Variants in NALF1 observed in about 807,000 individuals in gnomAD.
NALF1 encodes family with sequence similarity 155 member A.
Under a neutral mutation model 48.4 loss-of-function variants are expected in NALF1, and 3 were observed. That is an observed-to-expected ratio of 0.06 (90% CI 0.03 to 0.16). The LOEUF (loss-of-function observed/expected upper bound fraction) is 0.16. Ranked by LOEUF, NALF1 falls within the 10% of genes least tolerant of loss-of-function variation. The pLI is 1.00. For missense variants in NALF1, 526 were observed against 571.5 expected, an observed-to-expected ratio of 0.92 and a Z score of 0.81; for synonymous variants, 262 against 245.7, an observed-to-expected ratio of 1.07 and a Z score of -0.62.
At chr13:107,531,048 T>G (rs1876614835) in intron 1 of NALF1, 1 of 154,174 alleles carries the variant, frequency 6.5e-6, no homozygotes, top group Non-Finnish European at 1.5e-5. Context: ...CTGAGATATT[T>G]TATTAGGATG....
At chr13:107,542,065 A>G (rs1432594923) in intron 1 of NALF1, among the ~76,000 whole-genome samples, 3 of 152,082 alleles carry the variant, frequency 2.0e-5, no homozygotes. Context: ...CAATGTAGGA[A>G]GTGAAAACCA....
chr13:107,188,327 T>C (rs1879218415), intron 2 of NALF1, among the ~76,000 whole-genome samples: 1 of 152,066 alleles, frequency 6.6e-6, no homozygotes, highest in Admixed American at 6.6e-5. Context: ...TTCTCAAAGG[T>C]AAAAAATTGT....
At chr13:107,727,242 C>T (rs1018019460) in intron 1 of NALF1, among the ~76,000 whole-genome samples, 1 of 151,976 alleles carries the variant, frequency 6.6e-6, no homozygotes, top group African/African-American at 2.4e-5. Context: ...CATAAAGAAA[C>T]AAACTAAAAT....
chr13:107,246,522 T>G (rs1880589236), intron 1 of NALF1, among the ~76,000 whole-genome samples: 1 of 152,176 alleles, frequency 6.6e-6, no homozygotes, highest in South Asian at 2.1e-4. Flanking sequence ...CTTTTTCTGT[T>G]TTTCAGAGCA....
chr13:107,518,266 A>T (rs1876126564), intron 1 of NALF1, among the ~76,000 whole-genome samples: 1 of 149,896 alleles, frequency 6.7e-6, no homozygotes, highest in African/African-American at 2.4e-5. Context: ...TTATATTCAA[A>T]TAATTAAATA....
intron 1 of NALF1, among the ~76,000 whole-genome samples, chr13:107,537,175 C>G (rs988013151): frequency 6.6e-6 from 1 of 151,928 alleles, no homozygotes. Context: ...CACATGTATA[C>G]ATATGTAACA....
intron 1 of NALF1, among the ~76,000 whole-genome samples, chr13:107,718,443 T>C (rs780665967): frequency 6.6e-5 from 10 of 152,164 alleles, no homozygotes; most frequent in Non-Finnish European, 1.0e-4. Flanking sequence ...ACCACACCTA[T>C]GATTATCCTA....
chr13:107,257,111 A>G (rs1880831890), intron 1 of NALF1, among the ~76,000 whole-genome samples: 1 of 152,132 alleles, frequency 6.6e-6, no homozygotes, highest in Non-Finnish European at 1.5e-5. Flanking sequence ...AAGGGGGAAG[A>G]ACCCCTTACA....
chr13:107,681,953 G>C (rs1353744975), intron 1 of NALF1, among the ~76,000 whole-genome samples: 1 of 152,092 alleles, frequency 6.6e-6, no homozygotes, highest in Non-Finnish European at 1.5e-5. Flanking sequence ...TCTGTCCCAG[G>C]AGCATGTGCA....
intron 1 of NALF1, among the ~76,000 whole-genome samples, chr13:107,684,958 G>GT (rs1281344418): frequency 6.6e-6 from 1 of 152,142 alleles, no homozygotes; most frequent in Non-Finnish European, 1.5e-5. Context: ...CAGGACTCCT[G>GT]TGAGTCTGGG....
At chr13:107,483,140 C>T (rs1228976658) in intron 1 of NALF1, among the ~76,000 whole-genome samples, 4 of 152,162 alleles carry the variant, frequency 2.6e-5, no homozygotes, top group Non-Finnish European at 5.9e-5. Context: ...ATTCACCTAG[C>T]ATCATGCCTG....
At position 107,308,199 on chromosome 13, in the gene NALF1, C is replaced by CTTTT. The variant is rs772161115; in HGVS notation, c.916-97448_916-97445dup. ...TACTTTTTTGTATTTTGTGTCTATG[C>CTTTT]TTTTTTTTTTTTTTTTTTTTTAGAC... On this transcript the variant is annotated intron_variant, in intron 1 of 2. Transcript: ENST00000375915. Among the ~76,000 whole-genome samples, 80 of 98,162 alleles carry CTTTT rather than the reference C, an allele frequency of 8.1e-4. 1 individual carries two copies. The highest frequency in any genetic ancestry group is 1.2e-3 in the Non-Finnish European group (60 of 51,168). The allele number at this position is 98,162 out of a possible 152,430, so 64.4% of individuals were successfully genotyped here.
chr13:107,705,774 A>G (rs941307899), intron 1 of NALF1, among the ~76,000 whole-genome samples: 1 of 152,194 alleles, frequency 6.6e-6, no homozygotes, highest in Non-Finnish European at 1.5e-5. Flanking sequence ...TATGCCTTTC[A>G]GCATAGAAAA....
Position 107,166,146 on chromosome 13 carries a change from G to C in NALF1, c.*4351C>G, listed in dbSNP as rs1418582570. On this transcript the variant is annotated 3_prime_UTR_variant, in exon 3 of 3. Coordinates refer to ENST00000375915, the MANE Select transcript of NALF1 (RefSeq NM_001080396.3). ...TATGAAATTAAATACCTGGCTGGGTGTGGTATCTCACGCCTGTAATCCCAA... is the reference window on the plus strand; with the variant it reads ...TATGAAATTAAATACCTGGCTGGGTCTGGTATCTCACGCCTGTAATCCCAA... 1 of 152,182 alleles carries C rather than the reference G, an allele frequency of 6.6e-6. No homozygotes were observed. The highest frequency in any genetic ancestry group is 2.4e-5 in the African/African-American group (1 of 41,424). 9.4% of individuals were successfully genotyped at this position (152,182 alleles called of 1,614,324 possible). A position where few individuals can be genotyped will look rare whatever the true frequency, so the allele number is the denominator to read the frequency against.
At chr13:107,437,181 A>G (rs1884476143) in intron 1 of NALF1, among the ~76,000 whole-genome samples, 1 of 152,172 alleles carries the variant, frequency 6.6e-6, no homozygotes, top group African/African-American at 2.4e-5. Context: ...TAAAAGCACA[A>G]TGAAACACCA....
intron 1 of NALF1, among the ~76,000 whole-genome samples, chr13:107,812,038 T>G (rs542948140): frequency 4.6e-5 from 7 of 152,290 alleles, no homozygotes; most frequent in African/African-American, 1.7e-4. Context: ...ATCTAAGAAA[T>G]AGAAAATATT....
intron 1 of NALF1, among the ~76,000 whole-genome samples, chr13:107,654,936 C>G (rs1308681491): frequency 1.3e-5 from 2 of 152,064 alleles, no homozygotes; most frequent in Non-Finnish European, 1.5e-5. Context: ...AAGCATTTGA[C>G]AAAATCCAGC....
rs560637847 is a variant in NALF1, at chr13:107,588,817, G to A, written c.915+276865C>T. The stretch of plus-strand genomic sequence containing the variant: ...ATGTTTTCAGTGAATAAATGCGGGG[G>A]AAAAAAGAAAGCCGAATCCTTAAGC... On this transcript the variant is annotated intron_variant, in intron 1 of 2. Transcript: ENST00000375915. 1.6e-3 allele frequency among the ~76,000 whole-genome samples: 242 copies of A among 152,082 alleles called. 1 individual carries two copies. The highest frequency in any genetic ancestry group is 5.5e-3 in the African/African-American group (227 of 41,496).
intron 1 of NALF1, among the ~76,000 whole-genome samples, chr13:107,532,164 T>C (rs1327052082): frequency 2.0e-5 from 3 of 151,460 alleles, no homozygotes; most frequent in Non-Finnish European, 3.0e-5. Context: ...AAGAACAAAA[T>C]GAAAGAGAAA....
Sources: allele counts gnomAD v4.1 joint callset (sites outside exome capture counted in the v4.1 genomes callset), GRCh38; gene constraint gnomAD v4.1.1; transcripts MANE v1.5; gene names NCBI Gene and HGNC (gene_info 2026-07-23, HGNC 2026-07-21).